The following SNX14 variants were observed in gnomAD, a reference collection of about 807,000 sequenced individuals.
SNX14 encodes the protein sorting nexin 14.
SNX14 carries 93 observed loss-of-function variants against 133.8 expected under a neutral mutation model. That is an observed-to-expected ratio of 0.70 (90% CI 0.59 to 0.83). SNX14 has a LOEUF of 0.83. SNX14 is among the 40% of genes least tolerant of loss of function. The pLI is 0.00. For missense variants in SNX14, 945 were observed against 1,094.9 expected (o/e 0.86, Z 1.93); for synonymous variants, 368 against 365.6 (o/e 1.01, Z -0.07).
chr6:85,549,883 T>C lies in SNX14; in HGVS notation c.635-4A>G, dbSNP rs1355229666. ...TGTAAAAACTCTGTATTTTTTACTA[T>C]AGAGATTAAAGATAAATATTGAAAC... On this transcript the variant is annotated splice_polypyrimidine_tract_variant and splice_region_variant and intron_variant, in intron 7 of 28. Transcript: ENST00000314673. The C allele has an allele frequency of 1.1e-5, 17 of 1,593,676 alleles. No homozygotes were observed. Among genetic ancestry groups the C allele is most frequent in the East Asian group, 6.8e-5 (3 of 44,418 alleles).
intron 1 of SNX14, among the ~76,000 whole-genome samples, chr6:85,577,678 G>T (rs146488095): frequency 3.3e-5 from 5 of 152,044 alleles, no homozygotes; most frequent in African/African-American, 1.2e-4. Context: ...ATGAGCATAA[G>T]ATATTTAAGA....
chr6:85,567,747 T>C, intron 4 of SNX14, 170 bp from the exon 5 acceptor site: 2 of 403,840 alleles, frequency 5.0e-6, no homozygotes, highest in Non-Finnish European at 9.0e-6. Context: ...CTTTGGGAGG[T>C]CAAGGCAGGT....
intron 7 of SNX14, among the ~76,000 whole-genome samples, chr6:85,554,348 A>C (rs923650254): frequency 6.6e-6 from 1 of 152,066 alleles, no homozygotes; most frequent in Admixed American, 6.5e-5. Flanking sequence ...AACATTTCTA[A>C]GAGCCATGGA....
intron 2 of SNX14, among the ~76,000 whole-genome samples, 155 bp downstream of exon 2, chr6:85,574,103 G>C (rs1404337857): frequency 9.2e-6 from 1 of 108,912 alleles, no homozygotes; most frequent in Non-Finnish European, 1.9e-5. Context: ...GCTTTTAGCA[G>C]AGTACCTAAA....
At chr6:85,533,876 A>C (rs1781018141) in intron 17 of SNX14, 76 bp from the exon 18 acceptor site, 2 of 1,113,420 alleles carry the variant, frequency 1.8e-6, no homozygotes, top group Admixed American at 2.2e-5. Flanking sequence ...ACAAGTATAA[A>C]GTAATATGCC....
At chr6:85,540,872 G>A (rs1178273808) in intron 15 of SNX14, among the ~76,000 whole-genome samples, 1 of 151,980 alleles carries the variant, frequency 6.6e-6, no homozygotes, top group Admixed American at 6.6e-5. Context: ...AAATTGGAAG[G>A]TGTCTAGATG....
At chr6:85,523,032 G>A (rs1305871224) in intron 21 of SNX14, among the ~76,000 whole-genome samples, 1 of 152,158 alleles carries the variant, frequency 6.6e-6, no homozygotes, top group Non-Finnish European at 1.5e-5. Flanking sequence ...CTTCAAAAAT[G>A]GGTAATATGG....
intron 1 of SNX14, among the ~76,000 whole-genome samples, chr6:85,590,412 T>C (rs913095714): frequency 6.6e-6 from 1 of 152,214 alleles, no homozygotes; most frequent in Non-Finnish European, 1.5e-5. Flanking sequence ...CTGCCTATGG[T>C]GTAGCCATTC....
At position 85,543,191 on chromosome 6, in the gene SNX14, A is replaced by G; in HGVS notation, c.1380T>C (p.His460=). Reference sequence around the variant, plus strand: ...TAATATTTTGACTTACCTCATCACTATGGCAGAACATAGGAGTAAATACAT... The same window carrying G: ...TAATATTTTGACTTACCTCATCACTGTGGCAGAACATAGGAGTAAATACAT... ...LENVFTPMFC[H]SDEYFRQLLR... Residue 460 remains histidine, a synonymous_variant, in exon 14 of 29, where the codon CAT becomes CAC. Transcript: ENST00000314673. The G allele has an allele frequency of 1.3e-6, 2 of 1,550,350 alleles. No individual in the cohort carries two copies. Among genetic ancestry groups the G allele is most frequent in the Non-Finnish European group, 1.7e-6 (2 of 1,154,376 alleles).
At chr6:85,548,587 T>TTGGCTAAAA (rs1395882219) in intron 8 of SNX14, among the ~76,000 whole-genome samples, 2 of 152,068 alleles carry the variant, frequency 1.3e-5, no homozygotes, top group African/African-American at 4.8e-5. Context: ...TAGCAAAGAG[T>TTGGCTAAAA]TAGAGTTCTT....
At chr6:85,515,629 T>C (rs1034325914) in intron 23 of SNX14, among the ~76,000 whole-genome samples, 1 of 152,114 alleles carries the variant, frequency 6.6e-6, no homozygotes, top group Admixed American at 6.6e-5. Context: ...ACAAAGACCA[T>C]ATATTCTATT....
chr6:85,549,515 C>G (rs1006159722), intron 8 of SNX14, among the ~76,000 whole-genome samples: 1 of 151,968 alleles, frequency 6.6e-6, no homozygotes, highest in Non-Finnish European at 1.5e-5. Context: ...AAATTCTAAG[C>G]TACACAACAC....
intron 1 of SNX14, 45 bp downstream of exon 1, chr6:85,593,534 C>A (rs1803618487): frequency 6.3e-7 from 1 of 1,577,086 alleles, no homozygotes; most frequent in Non-Finnish European, 8.6e-7. Flanking sequence ...GGCGTCTGCA[C>A]CTTCGGAGAA....
Position 85,536,922 on chromosome 6 carries a change from T to C in SNX14, c.1478A>G (p.Asn493Ser). Reference protein sequence around the residue: ...RGSLSLDDFRNTQKRGESFGI... With the variant: ...RGSLSLDDFRSTQKRGESFGI... Reference sequence around the variant, plus strand: ...AAATGATTCTCCCCTTTTCTGTGTGTTCCTGAATATTAAACAAAAATGTAT... The same window carrying C: ...AAATGATTCTCCCCTTTTCTGTGTGCTCCTGAATATTAAACAAAAATGTAT... The change falls in exon 17 of 29, where the codon AAC becomes AGC. Residue 493 changes from asparagine to serine, a missense_variant and splice_region_variant. Physicochemically the swap from Asn to Ser is conservative, Grantham distance 46. Around this residue, in one of 3 missense-constraint regions of SNX14, gnomAD observed 412 missense variants for 516.6 expected, o/e 0.80. Transcript: ENST00000314673. 3 of 1,611,354 alleles carry C rather than the reference T, an allele frequency of 1.9e-6. No homozygotes were observed. The highest frequency in any genetic ancestry group is 2.2e-5 in the East Asian group (1 of 44,718).
intron 23 of SNX14, chr6:85,517,536 T>C (rs1169225672): frequency 1.3e-5 from 5 of 378,224 alleles, no homozygotes; most frequent in Non-Finnish European, 2.2e-5. Flanking sequence ...TGGCATCAGT[T>C]TGCAAATATA....
chr6:85,580,834 G>A (rs1210592421), intron 1 of SNX14, among the ~76,000 whole-genome samples: 2 of 152,240 alleles, frequency 1.3e-5, no homozygotes, highest in Non-Finnish European at 2.9e-5. Flanking sequence ...AGCCACAGTA[G>A]AATAAAACAC....
chr6:85,585,884 T>C (rs1800666182), intron 1 of SNX14, among the ~76,000 whole-genome samples: 1 of 151,276 alleles, frequency 6.6e-6, no homozygotes, highest in South Asian at 2.1e-4. Flanking sequence ...GGACATTAAC[T>C]GAACCCATTA....
intron 14 of SNX14, 112 bp downstream of exon 14, chr6:85,543,070 C>T (rs1784315217): frequency 1.8e-6 from 2 of 1,102,010 alleles, no homozygotes; most frequent in African/African-American, 3.2e-5. Flanking sequence ...GCCCAGTAAT[C>T]TTGTCTTATT....
rs566393890 is a variant in SNX14, at chr6:85,567,520, T to C, written c.461+14A>G. 6.6e-4 allele frequency: 999 copies of C among 1,510,180 alleles called. 11 individuals are homozygous for C. In the South Asian group the frequency reaches 0.012, roughly 18 times the overall value. 93.5% of individuals were successfully genotyped at this position (1,510,180 alleles called of 1,614,324 possible). ...CTGTATCACAGAAAAAAAGATCTTA[T>C]AGAAAGAACATACCTGTACCACGGA... On this transcript the variant is annotated intron_variant, in intron 5 of 28. Coordinates refer to ENST00000314673, the MANE Select transcript of SNX14 (RefSeq NM_153816.6).
Sources: allele counts gnomAD v4.1 joint callset (sites outside exome capture counted in the v4.1 genomes callset), GRCh38; gene constraint gnomAD v4.1.1; regional missense constraint gnomAD v4.1.1; transcripts MANE v1.5; gene names NCBI Gene and HGNC (gene_info 2026-07-23, HGNC 2026-07-21).